The following GRIK1 variants were observed in gnomAD, a reference collection of about 807,000 sequenced individuals.
GRIK1 encodes glutamate receptor ionotropic, kainate 1.
In GRIK1, 69 loss-of-function variants were observed where a neutral mutation model predicts 105.7. The observed-to-expected ratio is 0.65, with a 90% CI of 0.54 to 0.80. The LOEUF is 0.80. Among genes scored for constraint, GRIK1 ranks in the 30% least tolerant of loss-of-function variants. The pLI is 0.00. For missense variants in GRIK1, 1,109 were observed against 1,167.3 expected, an observed-to-expected ratio of 0.95 and a Z score of 0.73; for synonymous variants, 438 against 431.3, an observed-to-expected ratio of 1.02 and a Z score of -0.19.
At chr21:29,848,048 G>GTTATTATTATTA (rs56711180) in intron 1 of GRIK1, among the ~76,000 whole-genome samples, 1 of 147,804 alleles carries the variant, frequency 6.8e-6, no homozygotes, top group Non-Finnish European at 1.5e-5. Context: ...TTAAACGTAA[G>GTTATTATTATTA]TTATTATTAT....
chr21:29,815,994 A>G (rs1421625985), intron 1 of GRIK1, among the ~76,000 whole-genome samples: 1 of 152,140 alleles, frequency 6.6e-6, no homozygotes, highest in East Asian at 1.9e-4. Flanking sequence ...GGAAATAATC[A>G]ACAGAGTGAA....
chr21:29,717,419 A>G (rs1034169908), intron 1 of GRIK1, among the ~76,000 whole-genome samples: 5 of 152,190 alleles, frequency 3.3e-5, no homozygotes, highest in African/African-American at 4.8e-5. Context: ...TGGGAGGGGG[A>G]CTGTACCATG....
intron 1 of GRIK1, among the ~76,000 whole-genome samples, chr21:29,788,583 G>A (rs1331819350): frequency 6.6e-6 from 1 of 152,148 alleles, no homozygotes; most frequent in Non-Finnish European, 1.5e-5. Flanking sequence ...AGTGGGGAAT[G>A]GTTTCAGGAT....
At chr21:29,658,990 A>G (rs2062908527) in intron 4 of GRIK1, among the ~76,000 whole-genome samples, 1 of 152,194 alleles carries the variant, frequency 6.6e-6, no homozygotes, top group African/African-American at 2.4e-5. Context: ...TCTTGTTTAC[A>G]ACTTTGTTTT....
chr21:29,737,348 T>C (rs780286933), intron 1 of GRIK1, among the ~76,000 whole-genome samples: 16 of 152,188 alleles, frequency 1.1e-4, no homozygotes, highest in Non-Finnish European at 2.1e-4. Context: ...TGGGTAATGT[T>C]TCAAAGCGCT....
chr21:29,572,886 T>C (rs1209097344), intron 14 of GRIK1, among the ~76,000 whole-genome samples: 3 of 152,158 alleles, frequency 2.0e-5, no homozygotes, highest in Non-Finnish European at 4.4e-5. Flanking sequence ...TTCCCCTGCC[T>C]CAGCCTCCCG....
In GRIK1 at chr21:29,642,880, G is replaced by A. The variant is rs530595067; in HGVS notation, c.1044C>T (p.Cys348=). 1 of 1,613,950 alleles carries A rather than the reference G, an allele frequency of 6.2e-7. No homozygotes were observed. The highest frequency in any genetic ancestry group is 1.1e-5 in the South Asian group (1 of 91,082). The change falls in exon 7 of 18, where the codon TGC becomes TGT. Residue 348 remains cysteine, a synonymous_variant. Transcript: ENST00000327783. ...ASQLTVSSLQ[C]HRHKPWRLGP... is the part of the protein sequence containing the mutation. ...CGAGGCGCCATGGCTTATGTCTATGGCACTGCAGGGAGCTGACGGTCAGCT... is the reference window on the plus strand; with the variant it reads ...CGAGGCGCCATGGCTTATGTCTATGACACTGCAGGGAGCTGACGGTCAGCT...
intron 13 of GRIK1, among the ~76,000 whole-genome samples, chr21:29,578,429 G>T (rs764453152): frequency 6.6e-6 from 1 of 152,126 alleles, no homozygotes. Flanking sequence ...TTGTGCTAAG[G>T]TTTAATCTAT....
chr21:29,616,128 A>G (rs2061845412), intron 7 of GRIK1, among the ~76,000 whole-genome samples: 1 of 152,214 alleles, frequency 6.6e-6, no homozygotes, highest in African/African-American at 2.4e-5. Flanking sequence ...AAATGGCCAA[A>G]GAAGTATGTC....
intron 1 of GRIK1, among the ~76,000 whole-genome samples, chr21:29,915,797 A>G (rs1309803151): frequency 1.3e-5 from 2 of 151,996 alleles, no homozygotes; most frequent in East Asian, 1.9e-4. Flanking sequence ...AATGTGTCAT[A>G]TATATGAAGT....
At chr21:29,626,525 G>A (rs148382956) in intron 7 of GRIK1, among the ~76,000 whole-genome samples, 248 of 152,290 alleles carry the variant, frequency 1.6e-3, no homozygotes, top group Non-Finnish European at 2.7e-3. Context: ...TCAAGTCAGG[G>A]AGAGAGGTCT....
At chr21:29,891,955 G>A (rs1279212664) in intron 1 of GRIK1, among the ~76,000 whole-genome samples, 1 of 152,102 alleles carries the variant, frequency 6.6e-6, no homozygotes. Context: ...ACATATCGTA[G>A]GTACTCAATC....
intron 7 of GRIK1, among the ~76,000 whole-genome samples, chr21:29,638,076 A>T (rs2062433295): frequency 6.6e-6 from 1 of 152,212 alleles, no homozygotes; most frequent in Admixed American, 6.5e-5. Context: ...TGCAGTGCTT[A>T]TAATATGTTT....
chr21:29,630,405 A>G, intron 7 of GRIK1: 1 of 423,242 alleles, frequency 2.4e-6, no homozygotes, highest in South Asian at 1.8e-5. Context: ...CGATGCAATT[A>G]GGTATCTGTA....
chr21:29,609,335 G>A (rs1179577373), intron 7 of GRIK1, among the ~76,000 whole-genome samples: 1 of 152,030 alleles, frequency 6.6e-6, no homozygotes, highest in Non-Finnish European at 1.5e-5. Context: ...TGGCAATGTG[G>A]TTATTTGTAT....
At chr21:29,860,655 T>A (rs1450378501) in intron 1 of GRIK1, among the ~76,000 whole-genome samples, 1 of 152,232 alleles carries the variant, frequency 6.6e-6, no homozygotes, top group East Asian at 1.9e-4. Context: ...ATGCAAAGCA[T>A]GTAGCTGAGA....
intron 3 of GRIK1, among the ~76,000 whole-genome samples, chr21:29,684,053 C>T (rs936088344): frequency 6.6e-6 from 1 of 152,216 alleles, no homozygotes; most frequent in African/African-American, 2.4e-5. Flanking sequence ...TACTGTCGGT[C>T]TCCCGAATAC....
intron 14 of GRIK1, among the ~76,000 whole-genome samples, chr21:29,569,950 C>T (rs991186671): frequency 6.6e-6 from 1 of 152,094 alleles, no homozygotes; most frequent in African/African-American, 2.4e-5. Context: ...GGAAATAGGT[C>T]ATGTAGCCCC....
intron 1 of GRIK1, among the ~76,000 whole-genome samples, chr21:29,870,678 A>T (rs1006173311): frequency 6.6e-6 from 1 of 152,164 alleles, no homozygotes; most frequent in Non-Finnish European, 1.5e-5. Context: ...TTGATAGACC[A>T]TCGTTTGTCT....
Sources: gnomAD v4.1 joint callset for allele counts (sites outside exome capture counted in the v4.1 genomes callset) on GRCh38, gnomAD v4.1.1 for gene constraint, MANE v1.5 for transcripts, NCBI Gene and HGNC (gene_info 2026-07-23, HGNC 2026-07-21) for gene names.